Variants in ACACA observed in about 807,000 individuals in gnomAD.
ACACA encodes the protein acetyl-CoA carboxylase alpha, also known as acetyl-CoA carboxylase 1.
A neutral mutation model predicts 296.1 loss-of-function variants in ACACA; 103 were observed. The observed-to-expected ratio is 0.35, with a 90% CI of 0.30 to 0.41. ACACA has a LOEUF of 0.41. ACACA is among the 10% of genes least tolerant of loss of function. The pLI, the probability that ACACA is intolerant of heterozygous loss-of-function variation, is 1.00. For missense variants in ACACA, 1,554 were observed against 2,989.7 expected (o/e 0.52, Z 11.20); for synonymous variants, 953 against 1,038.6 (o/e 0.92, Z 1.58).
At chr17:37,270,888 GAAGA>G in intron 9 of ACACA, 27 bp from the exon 10 acceptor site, 3 of 1,560,806 alleles carry the variant, frequency 1.9e-6, no homozygotes, top group Non-Finnish European at 2.6e-6. Flanking sequence ...AAAAAAAATA[GAAGA>G]AACAGTGTTA....
intron 11 of ACACA, 41 bp downstream of exon 11, chr17:37,263,644 C>A: frequency 2.0e-6 from 3 of 1,525,994 alleles, no homozygotes; most frequent in South Asian, 1.1e-5. Flanking sequence ...GAAAAATGTT[C>A]TATGTAAGAA....
chr17:37,244,675 T>C lies in ACACA; in HGVS notation c.2655A>G (p.Lys885=). ...RIQSTALRGE[K]LHRVFHYVLD... The stretch of plus-strand genomic sequence containing the variant: ...GGACATAATGGAACACTCGATGGAG[T>C]TTCTCGCCTCTGAGTGCCGTGCTCT... The change falls in exon 21 of 56, where the codon AAA becomes AAG. Residue 885 remains lysine, a synonymous_variant. Coordinates refer to ENST00000616317, the MANE Select transcript of ACACA (RefSeq NM_198834.3). 1.2e-6 allele frequency: 2 copies of C among 1,613,946 alleles called. No homozygotes were observed. The highest frequency in any genetic ancestry group is 1.7e-6 in the Non-Finnish European group (2 of 1,179,974).
intron 1 of ACACA, among the ~76,000 whole-genome samples, chr17:37,349,394 T>TAA (rs985340032): frequency 2.0e-5 from 3 of 147,324 alleles, no homozygotes; most frequent in South Asian, 2.1e-4. Context: ...TATATATATA[T>TAA]AAAACATATA....
At position 37,234,967 on chromosome 17, in the gene ACACA, G is replaced by A. The variant is rs373002625; in HGVS notation, c.3246+8C>T. The A allele has an allele frequency of 3.1e-6, 5 of 1,613,616 alleles. No individual in the cohort carries two copies. Among genetic ancestry groups the A allele is most frequent in the South Asian group, 2.2e-5 (2 of 91,062 alleles). Reference sequence around the variant, plus strand: ...CGGTCTTTACAAGTTCTGAAAAATGGTACTCACAATAAGCATTGTGACCAG... The same window carrying A: ...CGGTCTTTACAAGTTCTGAAAAATGATACTCACAATAAGCATTGTGACCAG... On this transcript the variant is annotated splice_region_variant and intron_variant, in intron 25 of 55. Transcript: ENST00000616317.
intron 45 of ACACA, among the ~76,000 whole-genome samples, chr17:37,136,825 C>T (rs1252368136): frequency 6.6e-6 from 1 of 151,898 alleles, no homozygotes; most frequent in African/African-American, 2.4e-5. Flanking sequence ...GCCTGTAGTC[C>T]CTAGCTACTT....
intron 2 of ACACA, among the ~76,000 whole-genome samples, chr17:37,335,759 C>A (rs1043858114): frequency 1.3e-5 from 2 of 152,154 alleles, no homozygotes; most frequent in African/African-American, 4.8e-5. Flanking sequence ...GTCGCTGATA[C>A]CCTGGTCACC....
chr17:37,284,754 T>A (rs1400219744), intron 4 of ACACA, 84 bp downstream of exon 4: 3 of 1,584,312 alleles, frequency 1.9e-6, no homozygotes, highest in Admixed American at 3.3e-5. Context: ...AAATATCAAT[T>A]GGGAGCAAAT....
chr17:37,264,965 G>A (rs2081686614), intron 10 of ACACA, among the ~76,000 whole-genome samples: 1 of 152,124 alleles, frequency 6.6e-6, no homozygotes, highest in South Asian at 2.1e-4. Flanking sequence ...TCAGATGTCT[G>A]GTGATTTGTG....
intron 41 of ACACA, among the ~76,000 whole-genome samples, chr17:37,174,020 A>ATATATATATATATATTTTTTTTTT (rs552735515): frequency 6.0e-5 from 1 of 16,794 alleles, no homozygotes; most frequent in African/African-American, 2.6e-4. Flanking sequence ...ATATATATAT[A>ATATATATATATATATTTTTTTTTT]TTTTTTTTTT....
intron 41 of ACACA, among the ~76,000 whole-genome samples, chr17:37,165,122 G>T (rs73982251): frequency 1.3e-5 from 1 of 76,832 alleles, no homozygotes; most frequent in African/African-American, 4.7e-5. Context: ...TCCCCACCCC[G>T]CCCCGCCCCC....
At chr17:37,357,854 A>G (rs1342412929) in intron 1 of ACACA, among the ~76,000 whole-genome samples, 1 of 152,150 alleles carries the variant, frequency 6.6e-6, no homozygotes, top group Non-Finnish European at 1.5e-5. Context: ...AGGGACAAAT[A>G]TGAGTATTCT....
intron 27 of ACACA, among the ~76,000 whole-genome samples, chr17:37,224,169 T>C (rs2079429093): frequency 6.6e-6 from 1 of 152,198 alleles, no homozygotes; most frequent in Non-Finnish European, 1.5e-5. Context: ...GCCACTGCAC[T>C]CCAGCCTGGG....
chr17:37,226,263 A>G (rs1360879623), intron 26 of ACACA, 76 bp downstream of exon 26: 2 of 1,133,642 alleles, frequency 1.8e-6, no homozygotes, highest in Non-Finnish European at 2.7e-6. Flanking sequence ...GTGATTAAGC[A>G]AAAGTTCATT....
intron 1 of ACACA, chr17:37,345,201 G>C (rs888332298): frequency 6.6e-6 from 1 of 152,162 alleles, no homozygotes; most frequent in Non-Finnish European, 1.5e-5. Context: ...CTACAGGCCC[G>C]CACCACCATT....
In ACACA at chr17:37,352,559, G is replaced by GA. The variant is rs938776663; in HGVS notation, c.39-12710dup. 2.8e-3 allele frequency among the ~76,000 whole-genome samples: 408 copies of GA among 144,946 alleles called. 4 individuals carry two copies. The highest frequency in any genetic ancestry group is 8.8e-3 in the African/African-American group (348 of 39,722). On this transcript the variant is annotated intron_variant, in intron 1 of 55. Transcript: ENST00000616317. ...GCAACCCCATCTCTACCAAAATTAA[G>GA]AAAAAAAAAAATAGCCAGGTATGGT...
At chr17:37,365,825 G>A in intron 1 of ACACA, 2 of 747,886 alleles carry the variant, frequency 2.7e-6, no homozygotes, top group Non-Finnish European at 3.3e-6. Flanking sequence ...TTTTCACATG[G>A]ACACAGGGTT....
At chr17:37,094,582 C>T (rs569002596) in intron 54 of ACACA, among the ~76,000 whole-genome samples, 34 of 148,784 alleles carry the variant, frequency 2.3e-4, no homozygotes, top group Middle Eastern at 6.8e-3. Flanking sequence ...ACCCCCCCCC[C>T]CCCACACCAA....
intron 5 of ACACA, among the ~76,000 whole-genome samples, chr17:37,280,860 A>G (rs1191169342): frequency 6.6e-6 from 1 of 152,040 alleles, no homozygotes; most frequent in Non-Finnish European, 1.5e-5. Flanking sequence ...GAGGATGGAA[A>G]ACAAGGTCCC....
At chr17:37,143,762 C>T (rs1433984030) in intron 45 of ACACA, 7 of 951,586 alleles carry the variant, frequency 7.4e-6, no homozygotes, top group Admixed American at 3.5e-5. Flanking sequence ...CTTGCTTTTT[C>T]GGCCTTGGCA....
Sources: allele counts gnomAD v4.1 joint callset (sites outside exome capture counted in the v4.1 genomes callset), GRCh38; gene constraint gnomAD v4.1.1; transcripts MANE v1.5; gene names NCBI Gene and HGNC (gene_info 2026-07-23, HGNC 2026-07-21).